The following ARHGAP21 variants were observed in gnomAD, a reference collection of about 807,000 sequenced individuals.
ARHGAP21 encodes the protein rho GTPase-activating protein 21.
ARHGAP21 carries 38 observed loss-of-function variants against 164.6 expected under a neutral mutation model. The observed-to-expected ratio is 0.23, with a 90% confidence interval of 0.18 to 0.30. ARHGAP21 has a LOEUF of 0.30. Ranked by LOEUF, ARHGAP21 falls within the 10% of genes least tolerant of loss-of-function variation. The pLI, the probability that ARHGAP21 is intolerant of heterozygous loss-of-function variation, is 1.00. For missense variants in ARHGAP21, 1,822 were observed against 2,370.7 expected, an observed-to-expected ratio of 0.77 and a Z score of 4.81; for synonymous variants, 766 against 857.9, an observed-to-expected ratio of 0.89 and a Z score of 1.87.
At chr10:24,666,788 A>T (rs1317962179) in intron 4 of ARHGAP21, among the ~76,000 whole-genome samples, 197 bp downstream of exon 4, 1 of 152,196 alleles carries the variant, frequency 6.6e-6, no homozygotes, top group East Asian at 1.9e-4. Context: ...TTACATGTTC[A>T]AATTAAGATG....
In ARHGAP21 at chr10:24,587,828, T is replaced by TA. The variant is rs1158607144; in HGVS notation, c.4182+1442dup. On this transcript the variant is annotated intron_variant, in intron 25 of 25. Coordinates refer to ENST00000396432, the MANE Select transcript of ARHGAP21 (RefSeq NM_020824.4). ...TGATCATATATGTGTTGAGGCAAAT[T>TA]ACTCTACTTTTCTACAGAGACTGTT... Among the ~76,000 whole-genome samples the TA allele has an allele frequency of 2.0e-5, 3 of 148,594 alleles. No individual in the cohort carries two copies. The East Asian group carries it at 5.8e-4, about 29-fold the overall frequency.
At chr10:24,636,300 T>C (rs1836375024) in intron 4 of ARHGAP21, among the ~76,000 whole-genome samples, 1 of 152,208 alleles carries the variant, frequency 6.6e-6, no homozygotes, top group Non-Finnish European at 1.5e-5. Flanking sequence ...ACGGTAGTTC[T>C]AAAGGTGTGG....
At chr10:24,608,151 C>CACTA (rs1336080343) in intron 9 of ARHGAP21, among the ~76,000 whole-genome samples, 1 of 152,150 alleles carries the variant, frequency 6.6e-6, no homozygotes. Context: ...TTAATGCCTT[C>CACTA]ACTAACTGAT....
chr10:24,678,179 A>G (rs1366983147), intron 2 of ARHGAP21, among the ~76,000 whole-genome samples: 2 of 152,214 alleles, frequency 1.3e-5, no homozygotes, highest in Non-Finnish European at 2.9e-5. Context: ...TTCCTTCAAC[A>G]GTAACTTCTT....
Position 24,706,441 on chromosome 10 carries a change from C to A in ARHGAP21, c.63+15396G>T, listed in dbSNP as rs545362815. On this transcript the variant is annotated intron_variant, in intron 2 of 25. Transcript: ENST00000396432. ...GACAGTGTTTTTATATCCTGATTTA[C>A]TTTTGCTTTATACATCATAGCAGTT... 2.0e-5 allele frequency: 3 copies of A among 152,698 alleles called. No homozygotes were observed. In the South Asian group the frequency reaches 6.2e-4, roughly 32 times the overall value. The allele number at this position is 152,698 out of a possible 1,614,324, so 9.5% of individuals were successfully genotyped here. A position where few individuals can be genotyped will look rare whatever the true frequency, so the allele number is the denominator to read the frequency against.
At chr10:24,713,914 C>CT (rs1845107304) in intron 2 of ARHGAP21, among the ~76,000 whole-genome samples, 4 of 152,104 alleles carry the variant, frequency 2.6e-5, no homozygotes, top group Non-Finnish European at 4.4e-5. Context: ...GCAACTTAAA[C>CT]CATAAAACTA....
At chr10:24,679,373 G>A (rs1179543127) in intron 2 of ARHGAP21, among the ~76,000 whole-genome samples, 9 of 152,134 alleles carry the variant, frequency 5.9e-5, no homozygotes, top group Non-Finnish European at 1.0e-4. Context: ...TTTTATAGGG[G>A]CATGAATCCC....
intron 2 of ARHGAP21, among the ~76,000 whole-genome samples, chr10:24,688,291 C>T (rs1293152352): frequency 1.3e-5 from 2 of 152,144 alleles, no homozygotes; most frequent in East Asian, 3.9e-4. Context: ...ACTCAGGAGG[C>T]TGGGGCAGGA....
intron 24 of ARHGAP21, chr10:24,590,575 G>A (rs1271832093): frequency 1.4e-6 from 2 of 1,465,680 alleles, no homozygotes; most frequent in Non-Finnish European, 9.0e-7. Context: ...AGAACATTGT[G>A]TAAAACAACA....
At position 24,633,477 on chromosome 10, in the gene ARHGAP21, T is replaced by C; in HGVS notation, c.365A>G (p.Asp122Gly). Residue 122 changes from aspartate to glycine, a missense_variant, in exon 6 of 26, where the codon GAC (aspartate) becomes GGC (glycine). This residue lies in a region of ARHGAP21 where 1,090 missense variants were observed against 1,378.9 expected (regional missense o/e 0.79). Coordinates refer to ENST00000396432, the MANE Select transcript of ARHGAP21 (RefSeq NM_020824.4). ...TTCTCCATTGACTTTTATAATTCGGTCACCTTCAAAGAGAAGTTAAAAAAC... is the reference window on the plus strand; with the variant it reads ...TTCTCCATTGACTTTTATAATTCGGCCACCTTCAAAGAGAAGTTAAAAAAC... Reference protein sequence around the residue: ...PAFEAGLCTGDRIIKVNGESV... With the variant: ...PAFEAGLCTGGRIIKVNGESV... The C allele has an allele frequency of 6.2e-7, 1 of 1,609,304 alleles. No homozygotes were observed. The highest frequency in any genetic ancestry group is 8.5e-7 in the Non-Finnish European group (1 of 1,177,394).
At chr10:24,652,193 A>T (rs1838247466) in intron 4 of ARHGAP21, among the ~76,000 whole-genome samples, 1 of 150,054 alleles carries the variant, frequency 6.7e-6, no homozygotes. Flanking sequence ...GTCTAGAAAC[A>T]GATCTACACA....
At chr10:24,689,857 T>C (rs1842561615) in intron 2 of ARHGAP21, among the ~76,000 whole-genome samples, 2 of 148,472 alleles carry the variant, frequency 1.3e-5, no homozygotes. Context: ...TATATATGTA[T>C]ATGTATGTGT....
At chr10:24,711,366 A>G (rs1364201176) in intron 2 of ARHGAP21, among the ~76,000 whole-genome samples, 1 of 150,908 alleles carries the variant, frequency 6.6e-6, no homozygotes, top group African/African-American at 2.4e-5. Context: ...CCAAAAAAGA[A>G]AAAAAAAAAC....
chr10:24,696,548 G>A (rs1032670008), intron 2 of ARHGAP21, among the ~76,000 whole-genome samples: 2 of 152,134 alleles, frequency 1.3e-5, no homozygotes, highest in Non-Finnish European at 2.9e-5. Flanking sequence ...ATGTTAACTC[G>A]AGGCAGTAAA....
intron 13 of ARHGAP21, among the ~76,000 whole-genome samples, chr10:24,601,332 T>C (rs1196538213): frequency 6.6e-6 from 1 of 152,214 alleles, no homozygotes; most frequent in Non-Finnish European, 1.5e-5. Context: ...TCTCCAACAA[T>C]TGTATACATA....
chr10:24,605,902 TA>T (rs2077004447), intron 11 of ARHGAP21: 1 of 152,112 alleles, frequency 6.6e-6, no homozygotes, highest in African/African-American at 2.4e-5. Context: ...TCGTGTACAT[TA>T]ATACACAGAT....
At chr10:24,653,088 A>G (rs1838366236) in intron 4 of ARHGAP21, among the ~76,000 whole-genome samples, 1 of 152,206 alleles carries the variant, frequency 6.6e-6, no homozygotes, top group African/African-American at 2.4e-5. Flanking sequence ...TATAACATAC[A>G]TAAGATAAAA....
rs371354696 is a variant in ARHGAP21, at chr10:24,620,387, T to C, written c.1508A>G (p.Asp503Gly). The stretch of plus-strand genomic sequence containing the variant: ...AGAATTGACATTTTCTAAGGTTTCA[T>C]CCTGTCCCTCAATATAATCCCATGA... ...TRSWDYIEGQ[D>G]ETLENVNSGT... The change falls in exon 9 of 26, where the codon GAT (aspartate) becomes GGT (glycine). Residue 503 changes from aspartate (D) to glycine (G), a missense_variant. Asp to Gly is a moderately conservative substitution (Grantham distance 94). Around this residue, in one of 5 missense-constraint regions of ARHGAP21, gnomAD observed 1,090 missense variants for 1,378.9 expected, o/e 0.79. Coordinates refer to ENST00000396432, the MANE Select transcript of ARHGAP21 (RefSeq NM_020824.4). The C allele has an allele frequency of 9.1e-5, 147 of 1,613,160 alleles. No homozygotes were observed. Among genetic ancestry groups the C allele is most frequent in the Non-Finnish European group, 1.2e-4 (136 of 1,179,644 alleles).
At chr10:24,599,746 A>G (rs1237559434) in intron 14 of ARHGAP21, among the ~76,000 whole-genome samples, 6 of 152,226 alleles carry the variant, frequency 3.9e-5, no homozygotes. Flanking sequence ...ACATACTTTA[A>G]AAACTATCTT....
Sources: allele counts gnomAD v4.1 joint callset (sites outside exome capture counted in the v4.1 genomes callset), GRCh38; gene constraint gnomAD v4.1.1; regional missense constraint gnomAD v4.1.1; transcripts MANE v1.5; gene names NCBI Gene and HGNC (gene_info 2026-07-23, HGNC 2026-07-21).